Variants in IAPP observed in about 807,000 individuals in gnomAD.
IAPP encodes islet amyloid polypeptide.
In IAPP, 4 loss-of-function variants were observed where a neutral mutation model predicts 2.9. The observed-to-expected ratio is 1.39, with a 90% CI of 0.69 to 3.19. The LOEUF is 3.19. IAPP is among the 30% of genes most tolerant of loss of function. The probability of loss-of-function intolerance (pLI) is 0.01; values close to 1 mark genes in which losing one functional copy is unlikely to be tolerated. For missense variants in IAPP, 114 were observed against 105.3 expected (o/e 1.08, Z -0.36); for synonymous variants, 40 against 42.1 (o/e 0.95, Z 0.19).
chr12:21,363,952 G>A (rs1406607729), intron 1 of IAPP, among the ~76,000 whole-genome samples: 4 of 152,100 alleles, frequency 2.6e-5, no homozygotes, highest in South Asian at 2.1e-4. Context: ...ATTCACAGCC[G>A]AATTCTACCA....
At chr12:21,373,762 A>G in intron 2 of IAPP, 2 of 687,746 alleles carry the variant, frequency 2.9e-6, no homozygotes, top group Non-Finnish European at 5.3e-6. Context: ...TTAACCTGAT[A>G]CTGAAACAAA....
At chr12:21,359,648 G>A (rs931704956) in intron 1 of IAPP, among the ~76,000 whole-genome samples, 1 of 151,946 alleles carries the variant, frequency 6.6e-6, no homozygotes, top group Non-Finnish European at 1.5e-5. Context: ...TCGGGAGGCT[G>A]AGGCAGGAGA....
At chr12:21,370,503 T>TG (rs1206276012), upstream of IAPP, among the ~76,000 whole-genome samples, 2 of 112,510 alleles carry the variant, frequency 1.8e-5, no homozygotes, top group Non-Finnish European at 3.4e-5. Flanking sequence ...CAACAGGCCC[T>TG]GGTGTGTGAT....
At chr12:21,368,470 AT>A (rs35001636), upstream of IAPP, among the ~76,000 whole-genome samples, 45,305 of 148,760 alleles carry the variant, frequency 0.3, 6,838 homozygotes, top group East Asian at 0.46. Flanking sequence ...AACCAGTTAA[AT>A]TTTTTTTTTT....
chr12:21,363,332 G>A (rs991639236), intron 1 of IAPP, among the ~76,000 whole-genome samples: 4 of 152,144 alleles, frequency 2.6e-5, no homozygotes, highest in African/African-American at 9.7e-5. Flanking sequence ...AAATAAAGAT[G>A]TTCTTTGAAA....
intron 1 of IAPP, among the ~76,000 whole-genome samples, chr12:21,357,853 GT>G (rs1260051079): frequency 6.6e-6 from 1 of 152,172 alleles, no homozygotes; most frequent in Admixed American, 6.6e-5. Flanking sequence ...GAAAACACAT[GT>G]TCTTGCTTAA....
chr12:21,378,286 C>G lies in IAPP; in HGVS notation c.130C>G (p.Arg44Gly), dbSNP rs763676184. ...KCNTATCATQ[R>G]LANFLVHSSN... ...CAACACTGCCACATGTGCAACGCAG[C>G]GCCTGGCAAATTTTTTAGTTCATTC... Residue 44 changes from arginine (R) to glycine (G), a missense_variant, in exon 3 of 3, where the codon CGC becomes GGC. By Grantham distance (125) the Arg-to-Gly change is moderately radical. Transcript: ENST00000240652. The G allele has an allele frequency of 6.2e-7, 1 of 1,614,016 alleles. No homozygotes were observed. The highest frequency in any genetic ancestry group is 1.7e-5 in the Admixed American group (1 of 59,998).
At chr12:21,363,981 G>A (rs1282357845) in intron 1 of IAPP, among the ~76,000 whole-genome samples, 2 of 152,170 alleles carry the variant, frequency 1.3e-5, no homozygotes, top group African/African-American at 4.8e-5. Flanking sequence ...AAGAGGAGCT[G>A]GTACCATTCC....
At chr12:21,377,029 G>T (rs1940249296) in intron 2 of IAPP, among the ~76,000 whole-genome samples, 1 of 151,992 alleles carries the variant, frequency 6.6e-6, no homozygotes, top group South Asian at 2.1e-4. Flanking sequence ...AATAGAGTTG[G>T]TATACAAATA....
rs543235000 is a variant in IAPP, at chr12:21,358,934, A to G, written c.-16+3921A>G. Among the ~76,000 whole-genome samples, 3 of 152,300 alleles carry G rather than the reference A, an allele frequency of 2.0e-5. No individual in the cohort carries two copies. The South Asian group carries it at 6.2e-4, about 32-fold the overall frequency. On this transcript the variant is annotated intron_variant, in intron 1 of 2. Coordinates refer to the IAPP transcript ENST00000539393. Reference sequence around the variant, plus strand: ...AAAAGAACACATGAGAGAGGAAACAATAACAGGCTGAAGATATTCACATAT... The same window carrying G: ...AAAAGAACACATGAGAGAGGAAACAGTAACAGGCTGAAGATATTCACATAT...
chr12:21,372,440 C>A (rs1420847141), upstream of IAPP, among the ~76,000 whole-genome samples: 1 of 152,104 alleles, frequency 6.6e-6, no homozygotes, highest in Non-Finnish European at 1.5e-5. Context: ...CTTTTGATTT[C>A]TCTTTTATGC....
chr12:21,357,579 C>A (rs1938472431), intron 1 of IAPP, among the ~76,000 whole-genome samples: 1 of 152,210 alleles, frequency 6.6e-6, no homozygotes, highest in Non-Finnish European at 1.5e-5. Flanking sequence ...AAATCTCCAA[C>A]TGGACTATAT....
chr12:21,375,428 C>A (rs895175756), intron 2 of IAPP, among the ~76,000 whole-genome samples: 7 of 152,210 alleles, frequency 4.6e-5, no homozygotes, highest in East Asian at 3.9e-4. Context: ...ATTTTAAACT[C>A]TTTTTAAAAA....
At chr12:21,356,353 C>G (rs2137029418) in intron 1 of IAPP, among the ~76,000 whole-genome samples, 1 of 152,064 alleles carries the variant, frequency 6.6e-6, no homozygotes, top group Non-Finnish European at 1.5e-5. Flanking sequence ...AATTTACCTC[C>G]TAAAAGAAAG....
chr12:21,376,312 CT>C (rs1309538859), intron 2 of IAPP: 37 of 351,104 alleles, frequency 1.1e-4, no homozygotes, highest in East Asian at 3.6e-4. Flanking sequence ...TCCTTTATTA[CT>C]TTTTTTGAGA....
chr12:21,364,684 G>A (rs1290954934), intron 1 of IAPP, among the ~76,000 whole-genome samples: 1 of 152,176 alleles, frequency 6.6e-6, no homozygotes, highest in Non-Finnish European at 1.5e-5. Context: ...AAGCTGATAA[G>A]CAACTTCAGC....
intron 1 of IAPP, among the ~76,000 whole-genome samples, chr12:21,365,728 A>T (rs1939322772): frequency 1.3e-5 from 2 of 152,236 alleles, no homozygotes; most frequent in African/African-American, 4.8e-5. Flanking sequence ...CCCATTAAAA[A>T]GTGGGTGAAG....
At chr12:21,362,376 A>C (rs1003841743) in intron 1 of IAPP, among the ~76,000 whole-genome samples, 6 of 152,138 alleles carry the variant, frequency 3.9e-5, no homozygotes, top group Non-Finnish European at 8.8e-5. Context: ...ACCATGCCTG[A>C]CTTACAAGAG....
At position 21,379,138 on chromosome 12, in the gene IAPP, C is replaced by G. The variant is rs907589992; in HGVS notation, c.*712C>G. On this transcript the variant is annotated 3_prime_UTR_variant, in exon 3 of 3. Coordinates refer to ENST00000240652, the MANE Select transcript of IAPP (RefSeq NM_000415.3). Reference sequence around the variant, plus strand: ...ATAAGCAAATTAGTAATTGTCAATACCCCTGTTAAGCAATTCCTTTTTGCA... The same window carrying G: ...ATAAGCAAATTAGTAATTGTCAATAGCCCTGTTAAGCAATTCCTTTTTGCA... The G allele has an allele frequency of 1.3e-5, 2 of 152,132 alleles. No homozygotes were observed. Among genetic ancestry groups the G allele is most frequent in the African/African-American group, 4.8e-5 (2 of 41,404 alleles). The allele number at this position is 152,132 out of a possible 1,614,324, so 9.4% of individuals were successfully genotyped here.
Sources: gnomAD v4.1 joint callset for allele counts (sites outside exome capture counted in the v4.1 genomes callset) on GRCh38, gnomAD v4.1.1 for gene constraint, MANE v1.5 for transcripts, NCBI Gene and HGNC (gene_info 2026-07-23, HGNC 2026-07-21) for gene names.